Variants in SYMPK observed in about 807,000 individuals in gnomAD.
SYMPK encodes symplekin.
Under a neutral mutation model 136.4 loss-of-function variants are expected in SYMPK, and 49 were observed. That is an observed-to-expected ratio of 0.36 (90% CI 0.29 to 0.46). The LOEUF (loss-of-function observed/expected upper bound fraction) is 0.46, where lower values mean the gene tolerates loss of function less well. Among genes scored for constraint, SYMPK ranks in the 20% least tolerant of loss-of-function variants. SYMPK has a pLI of 1.00. For missense variants in SYMPK, 1,365 were observed against 1,690.0 expected, an observed-to-expected ratio of 0.81 and a Z score of 3.37; for synonymous variants, 766 against 713.0, an observed-to-expected ratio of 1.07 and a Z score of -1.19.
chr19:45,816,436 G>A, intron 25 of SYMPK, 46 bp downstream of exon 25: 1 of 1,581,120 alleles, frequency 6.3e-7, no homozygotes, highest in Non-Finnish European at 8.6e-7. Flanking sequence ...TTGGGGTAGG[G>A]GGTGGGAGTC....
At chr19:45,819,342 G>T in intron 22 of SYMPK, 1 of 152,590 alleles carries the variant, frequency 6.6e-6, no homozygotes. Context: ...CTCCTGTGTG[G>T]GCAGGCCCCA....
intron 16 of SYMPK, among the ~76,000 whole-genome samples, chr19:45,826,968 T>A (rs1423186521): frequency 6.6e-6 from 1 of 152,186 alleles, no homozygotes; most frequent in Non-Finnish European, 1.5e-5. Flanking sequence ...AGCTACTGAT[T>A]TTCCAGGTCT....
rs746919215 is a variant in SYMPK, at chr19:45,821,223, G to A, written c.2893+161C>T. 2 of 701,454 alleles carry A rather than the reference G, an allele frequency of 2.9e-6. No individual in the cohort carries two copies. The highest frequency in any genetic ancestry group is 2.1e-5 in the Admixed American group (1 of 48,668). 43.5% of individuals were successfully genotyped at this position (701,454 alleles called of 1,614,324 possible). A position where few individuals can be genotyped will look rare whatever the true frequency, so the allele number is the denominator to read the frequency against. On this transcript the variant is annotated intron_variant, in intron 22 of 26. Coordinates refer to ENST00000245934, the MANE Select transcript of SYMPK (RefSeq NM_004819.3). The surrounding 1 kb of genome is among the most constrained non-coding windows in gnomAD (Gnocchi z 4.4). The stretch of plus-strand genomic sequence containing the variant: ...GAGGGAGGGAGGGAAGAGGAGGCAA[G>A]AAAAGGAGGGAGGGAGGGAGGTGGC...
chr19:45,829,117 C>G lies in SYMPK; in HGVS notation c.1838G>C (p.Arg613Pro). The change falls in exon 14 of 27, where the codon CGG becomes CCG. Residue 613 changes from arginine to proline, a missense_variant. By Grantham distance (103) the Arg-to-Pro change is moderately radical. Around this residue, in one of 11 missense-constraint regions of SYMPK, gnomAD observed 303 missense variants for 326.6 expected, o/e 0.93. Coordinates refer to ENST00000245934, the MANE Select transcript of SYMPK (RefSeq NM_004819.3). ...GGCGAAGGCCAGGTCCAGGCGGGCCCGCACATCCTCCAGGATGAAGGACAG... is the reference window on the plus strand; with the variant it reads ...GGCGAAGGCCAGGTCCAGGCGGGCCGGCACATCCTCCAGGATGAAGGACAG... ...EVLSFILEDV[R>P]ARLDLAFAWL... 6.2e-7 allele frequency: 1 copy of G among 1,614,198 alleles called. No individual in the cohort carries two copies. The highest frequency in any genetic ancestry group is 8.5e-7 in the Non-Finnish European group (1 of 1,180,042).
chr19:45,843,719 GGCGA>G, intron 8 of SYMPK, among the ~76,000 whole-genome samples: 1 of 152,030 alleles, frequency 6.6e-6, no homozygotes, highest in Non-Finnish European at 1.5e-5. Flanking sequence ...GGCCGAGGCA[GGCGA>G]ATCACAAGGT....
intron 7 of SYMPK, 95 bp from the exon 8 acceptor site, chr19:45,844,295 G>T: frequency 1.0e-6 from 1 of 965,502 alleles, no homozygotes; most frequent in Admixed American, 2.8e-5. Flanking sequence ...ACAGATCCTG[G>T]TACCTAGATG....
In SYMPK at chr19:45,821,461, G is replaced by T. The variant is rs763125062; in HGVS notation, c.2816C>A (p.Pro939Gln). 7 of 1,613,820 alleles carry T rather than the reference G, an allele frequency of 4.3e-6. No homozygotes were observed. The change falls in exon 22 of 27, where the codon CCG becomes CAG. Residue 939 changes from proline to glutamine, a missense_variant. Physicochemically the swap from Pro to Gln is moderately conservative, Grantham distance 76. Around this residue, in one of 11 missense-constraint regions of SYMPK, gnomAD observed 156 missense variants for 217.8 expected, o/e 0.72. Transcript: ENST00000245934. This position sits in a 1 kb window ranked among gnomAD's most constrained non-coding sequence, Gnocchi z 4.4. ...GATCAGGAGCTCTCCAGGGTTCAGC[G>T]GGGACAAGGCTGAGTTTCCCTCACC... ...QHGEGNSALS[P>Q]LNPGELLIAL...
chr19:45,844,007 G>A, intron 8 of SYMPK, 23 bp downstream of exon 8: 3 of 1,454,256 alleles, frequency 2.1e-6, no homozygotes, highest in Non-Finnish European at 1.8e-6. Flanking sequence ...AAGGCAGGGG[G>A]AGGGGGGAGG....
chr19:45,849,393 C>T (rs1213204193), intron 5 of SYMPK, among the ~76,000 whole-genome samples: 1 of 152,086 alleles, frequency 6.6e-6, no homozygotes, highest in Non-Finnish European at 1.5e-5. Flanking sequence ...CCTTTCCTAG[C>T]TTGGCAATAA....
chr19:45,836,449 C>T (rs368142119), intron 10 of SYMPK, among the ~76,000 whole-genome samples: 12 of 151,604 alleles, frequency 7.9e-5, no homozygotes, highest in Non-Finnish European at 1.3e-4. Context: ...GCTAACACAG[C>T]GAAACCTCAT....
chr19:45,822,676 G>C (rs932140662), intron 21 of SYMPK, 80 bp downstream of exon 21: 8 of 1,196,092 alleles, frequency 6.7e-6, no homozygotes, highest in East Asian at 2.3e-5. Context: ...TCTCCCTGAG[G>C]GGGGTGCCTG....
intron 23 of SYMPK, among the ~76,000 whole-genome samples, chr19:45,817,290 C>G (rs1047431690): frequency 6.6e-6 from 1 of 152,040 alleles, no homozygotes; most frequent in African/African-American, 2.4e-5. Context: ...CTCCAGGGGG[C>G]GAAATTACCC....
At chr19:45,840,661 C>CT (rs1971412196) in intron 9 of SYMPK, among the ~76,000 whole-genome samples, 2 of 150,306 alleles carry the variant, frequency 1.3e-5, no homozygotes, top group Non-Finnish European at 1.5e-5. Context: ...GAAACTCCAT[C>CT]TTTAAAAAAA....
chr19:45,826,136 G>T, intron 17 of SYMPK, 90 bp downstream of exon 17: 1 of 1,509,670 alleles, frequency 6.6e-7, no homozygotes, highest in South Asian at 1.3e-5. Flanking sequence ...ACTCGTGTCC[G>T]AGTGGCTTCC....
At chr19:45,856,472 G>C (rs1971825318) in intron 1 of SYMPK, among the ~76,000 whole-genome samples, 1 of 152,110 alleles carries the variant, frequency 6.6e-6, no homozygotes, top group Non-Finnish European at 1.5e-5. Context: ...AATGACCTGA[G>C]GCAAGACATT....
intron 17 of SYMPK, 152 bp from the exon 18 acceptor site, chr19:45,825,483 C>A: frequency 2.1e-6 from 2 of 972,958 alleles, no homozygotes; most frequent in Non-Finnish European, 2.9e-6. Flanking sequence ...AGGGAAATGG[C>A]GGGGACCAGG....
chr19:45,825,461 T>C (rs1334843993), intron 17 of SYMPK, 130 bp from the exon 18 acceptor site: 2 of 1,177,334 alleles, frequency 1.7e-6, no homozygotes, highest in Non-Finnish European at 2.3e-6. Flanking sequence ...GGGGAGCTAA[T>C]TGTTCTAGGG....
intron 10 of SYMPK, among the ~76,000 whole-genome samples, chr19:45,836,126 G>C (rs991631932): frequency 9.9e-5 from 15 of 151,494 alleles, no homozygotes; most frequent in Non-Finnish European, 2.9e-5. Context: ...CTGTCCCCCA[G>C]GCTGGAGTGC....
intron 24 of SYMPK, 24 bp from the exon 25 acceptor site, chr19:45,816,601 C>A: frequency 6.2e-7 from 1 of 1,612,686 alleles, no homozygotes. Context: ...AGGAAGGGGG[C>A]GCTGGGGGCA....
Sources: allele counts gnomAD v4.1 joint callset (sites outside exome capture counted in the v4.1 genomes callset), GRCh38; gene constraint gnomAD v4.1.1; regional missense constraint gnomAD v4.1.1; non-coding constraint Gnocchi (gnomAD v3.1); transcripts MANE v1.5; gene names NCBI Gene and HGNC (gene_info 2026-07-23, HGNC 2026-07-21).